The following MED24 variants were observed in gnomAD, a reference collection of about 807,000 sequenced individuals.
MED24 encodes the protein mediator of RNA polymerase II transcription subunit 24.
In MED24, 74 loss-of-function variants were observed where a neutral mutation model predicts 118.8. The ratio of observed to expected loss-of-function variants is 0.62; its 90% CI spans 0.52 to 0.76. The LOEUF is 0.76. Among genes scored for constraint, MED24 ranks in the 30% least tolerant of loss-of-function variants. The pLI, the probability that MED24 is intolerant of heterozygous loss-of-function variation, is 0.00. For missense variants in MED24, 1,041 were observed against 1,278.9 expected, an observed-to-expected ratio of 0.81 and a Z score of 2.84; for synonymous variants, 521 against 523.9, an observed-to-expected ratio of 0.99 and a Z score of 0.08.
At chr17:40,053,448 C>G (rs748042760) in intron 2 of MED24, 21 bp downstream of exon 2, 1 of 1,614,052 alleles carries the variant, frequency 6.2e-7, no homozygotes, top group South Asian at 1.1e-5. Context: ...TCCCATCTTT[C>G]TTTCCCAGTT....
chr17:40,037,376 G>A (rs1418056103), intron 3 of MED24, among the ~76,000 whole-genome samples: 1 of 152,032 alleles, frequency 6.6e-6, no homozygotes, highest in Non-Finnish European at 1.5e-5. Context: ...CTTCCTCTGT[G>A]CTCCAAGTAA....
Position 40,019,932 on chromosome 17 carries a change from G to A in MED24, c.2706C>T (p.Ala902=). 6.4e-7 allele frequency: 1 copy of A among 1,563,194 alleles called. No homozygotes were observed. Among genetic ancestry groups the A allele is most frequent in the South Asian group, 1.2e-5 (1 of 84,998 alleles). The change falls in exon 25 of 26, where the codon GCC becomes GCT. Residue 902 remains alanine, a splice_region_variant and synonymous_variant. Transcript: ENST00000394128. ...TGGAGGAGATGAGCAGGAACAGGTT[G>A]GCTGTAGAGAGTGGGGGGAGAGTGA... ...NMRDPLNRVL[A]NLFLLISSIL...
At position 40,033,378 on chromosome 17, in the gene MED24, C is replaced by T; in HGVS notation, c.638G>A (p.Ser213Asn). Residue 213 changes from serine (S) to asparagine (N), a missense_variant, in exon 7 of 26, where the codon AGT becomes AAT. Ser to Asn is a conservative substitution (Grantham distance 46, BLOSUM62 1). Around this residue, in one of 3 missense-constraint regions of MED24, gnomAD observed 434 missense variants for 514.9 expected, o/e 0.84. Coordinates refer to ENST00000394128, the MANE Select transcript of MED24 (RefSeq NM_014815.4). The surrounding 1 kb of genome is among the most constrained non-coding windows in gnomAD (Gnocchi z 5.2). Reference protein sequence around the residue: ...LANLSNPQLRSQAEQCGTLIR... With the variant: ...LANLSNPQLRNQAEQCGTLIR... ...GAGGGTGCCACACTGCTCGGCCTGA[C>T]TCCGGAGCTGCGGGTTGCTGAGATT... 6.2e-7 allele frequency: 1 copy of T among 1,612,806 alleles called. No homozygotes were observed. Among genetic ancestry groups the T allele is most frequent in the Non-Finnish European group, 8.5e-7 (1 of 1,179,438 alleles).
intron 3 of MED24, among the ~76,000 whole-genome samples, chr17:40,044,745 C>T (rs1343456312): frequency 6.7e-6 from 1 of 148,590 alleles, no homozygotes; most frequent in African/African-American, 2.5e-5. Context: ...CAGGCGTGGT[C>T]GTGGGCACCT....
chr17:40,033,182 A>G lies in MED24; in HGVS notation c.696T>C (p.His232=), dbSNP rs1983580413. The part of the protein sequence containing the change: ...IRSIPTMLSV[H]AEQMHKTGFP... Reference sequence around the variant, plus strand: ...AGCCGGTCTTGTGCATCTGCTCCGCATGCACAGACAGCATCGTGGGGATGC... The same window carrying G: ...AGCCGGTCTTGTGCATCTGCTCCGCGTGCACAGACAGCATCGTGGGGATGC... Residue 232 remains histidine (H), a synonymous_variant, in exon 8 of 26, where the codon CAT becomes CAC. Transcript: ENST00000394128. This position sits in a 1 kb window ranked among gnomAD's most constrained non-coding sequence, Gnocchi z 5.2. The G allele has an allele frequency of 6.2e-7, 1 of 1,613,958 alleles. No homozygotes were observed. The highest frequency in any genetic ancestry group is 8.5e-7 in the Non-Finnish European group (1 of 1,180,032).
At chr17:40,020,102 G>T in intron 24 of MED24, 169 bp from the exon 25 acceptor site, 8 of 795,550 alleles carry the variant, frequency 1.0e-5, no homozygotes, top group Admixed American at 9.4e-5. Context: ...AGGGGAGGAG[G>T]GGGAACTAGA....
intron 3 of MED24, among the ~76,000 whole-genome samples, chr17:40,039,679 C>G (rs955951248): frequency 6.6e-6 from 1 of 152,072 alleles, no homozygotes; most frequent in Admixed American, 6.6e-5. Flanking sequence ...GGGTCTCGCT[C>G]TGTCACCCAG....
At chr17:40,048,914 T>G (rs536809367) in intron 3 of MED24, among the ~76,000 whole-genome samples, 1 of 152,182 alleles carries the variant, frequency 6.6e-6, no homozygotes, top group Non-Finnish European at 1.5e-5. Flanking sequence ...TGAGTAACCA[T>G]GGCCCTTCAG....
intron 18 of MED24, 72 bp from the exon 19 acceptor site, chr17:40,026,403 C>T: frequency 6.4e-7 from 1 of 1,557,946 alleles, no homozygotes; most frequent in Non-Finnish European, 8.7e-7. Flanking sequence ...TTCTCAGCCT[C>T]TGCGGGCAGC....
rs771027248 is a variant in MED24, at chr17:40,019,911, G to A, written c.2727C>T (p.Ser909=). The A allele has an allele frequency of 4.0e-5, 63 of 1,570,264 alleles. No homozygotes were observed. Among genetic ancestry groups the A allele is most frequent in the Non-Finnish European group, 5.4e-5 (62 of 1,156,896 alleles). Residue 909 remains serine (S), a synonymous_variant, in exon 25 of 26, where the codon TCC becomes TCT. Coordinates refer to ENST00000394128, the MANE Select transcript of MED24 (RefSeq NM_014815.4). ...RVLANLFLLI[S]SILGSRTAGP... is the part of the protein sequence containing the mutation. ...CAGCGGTGCGAGACCCCAGGATGGAGGAGATGAGCAGGAACAGGTTGGCTG... is the reference window on the plus strand; with the variant it reads ...CAGCGGTGCGAGACCCCAGGATGGAAGAGATGAGCAGGAACAGGTTGGCTG...
chr17:40,033,287 C>T lies in MED24; in HGVS notation c.671+58G>A. Reference sequence around the variant, plus strand: ...GAGGATGGCACGGGTGCCACATCTTCCTACCCCAGGGCGTGTCCTCCCTCT... The same window carrying T: ...GAGGATGGCACGGGTGCCACATCTTTCTACCCCAGGGCGTGTCCTCCCTCT... On this transcript the variant is annotated intron_variant, in intron 7 of 25. Transcript: ENST00000394128. The surrounding 1 kb of genome is among the most constrained non-coding windows in gnomAD (Gnocchi z 5.2). 1 of 1,611,920 alleles carries T rather than the reference C, an allele frequency of 6.2e-7. No homozygotes were observed. Among genetic ancestry groups the T allele is most frequent in the Non-Finnish European group, 8.5e-7 (1 of 1,179,336 alleles).
At chr17:40,046,404 A>G (rs1985207465) in intron 3 of MED24, among the ~76,000 whole-genome samples, 1 of 150,750 alleles carries the variant, frequency 6.6e-6, no homozygotes, top group Non-Finnish European at 1.5e-5. Flanking sequence ...TTTTAATAAA[A>G]AAAAATATAT....
In MED24 at chr17:40,033,916, C is replaced by T. The variant is rs942349791; in HGVS notation, c.560-460G>A. 4.1e-5 allele frequency: 15 copies of T among 365,284 alleles called. No homozygotes were observed. The highest frequency in any genetic ancestry group is 1.0e-4 in the Admixed American group (3 of 29,168). 22.6% of individuals were successfully genotyped at this position (365,284 alleles called of 1,614,324 possible). On this transcript the variant is annotated intron_variant, in intron 6 of 25. Coordinates refer to ENST00000394128, the MANE Select transcript of MED24 (RefSeq NM_014815.4). This position sits in a 1 kb window ranked among gnomAD's most constrained non-coding sequence, Gnocchi z 5.2. ...CAACCACTCCCTCATCTAGGCATTG[C>T]GTTTGCTGCCCTCCCCTGCTGAAGG...
At chr17:40,023,546 C>T in intron 19 of MED24, 151 bp from the exon 20 acceptor site, 1 of 723,346 alleles carries the variant, frequency 1.4e-6, no homozygotes, top group Non-Finnish European at 2.2e-6. Flanking sequence ...GGACGGTATA[C>T]CCCGGGGTGA....
At chr17:40,022,913 G>C in intron 20 of MED24, 87 bp from the exon 21 acceptor site, 2 of 1,497,222 alleles carry the variant, frequency 1.3e-6, no homozygotes, top group Admixed American at 3.8e-5. Context: ...TGGCTGTCCA[G>C]TAAGGCCCGC....
chr17:40,021,148 A>C (rs1358318767), intron 23 of MED24: 1 of 152,902 alleles, frequency 6.5e-6, no homozygotes, highest in African/African-American at 2.4e-5. Context: ...CAGAGATCCC[A>C]ATGGAATGAG....
intron 3 of MED24, among the ~76,000 whole-genome samples, chr17:40,047,087 G>GA (rs1297743765): frequency 6.6e-6 from 1 of 152,118 alleles, no homozygotes; most frequent in Non-Finnish European, 1.5e-5. Context: ...TCCAGCCTGG[G>GA]TAACAGAGCA....
chr17:40,026,918 G>A lies in MED24; in HGVS notation c.1647C>T (p.Pro549=), dbSNP rs377622090. 10 of 1,614,004 alleles carry A rather than the reference G, an allele frequency of 6.2e-6. No homozygotes were observed. Among genetic ancestry groups the A allele is most frequent in the Middle Eastern group, 1.6e-4 (1 of 6,082 alleles). The change falls in exon 17 of 26, where the codon CCC becomes CCT. Residue 549 remains proline (P), a synonymous_variant. Coordinates refer to ENST00000394128, the MANE Select transcript of MED24 (RefSeq NM_014815.4). ...ILNPDHPCFR[P]DSTKVESLVA... The stretch of plus-strand genomic sequence containing the variant: ...CCAGGGACTCCACTTTGGTGGAGTC[G>A]GGGCGGAAGCAGGGGTGGTCAGGGT...
intron 3 of MED24, among the ~76,000 whole-genome samples, chr17:40,037,953 G>A (rs1984140701): frequency 6.6e-6 from 1 of 151,820 alleles, no homozygotes; most frequent in Non-Finnish European, 1.5e-5. Flanking sequence ...CCCTGAGCTT[G>A]TGTGTGACAT....
Sources: allele counts gnomAD v4.1 joint callset (sites outside exome capture counted in the v4.1 genomes callset), GRCh38; gene constraint gnomAD v4.1.1; regional missense constraint gnomAD v4.1.1; non-coding constraint Gnocchi (gnomAD v3.1); transcripts MANE v1.5; gene names NCBI Gene and HGNC (gene_info 2026-07-23, HGNC 2026-07-21).